Variants in SMC2 observed in about 807,000 individuals in gnomAD.
SMC2 encodes structural maintenance of chromosomes protein 2.
Under a neutral mutation model 142.6 loss-of-function variants are expected in SMC2, and 41 were observed. The ratio of observed to expected loss-of-function variants is 0.29; its 90% CI spans 0.22 to 0.37. SMC2 has a LOEUF of 0.37. Among genes scored for constraint, SMC2 ranks in the 10% least tolerant of loss-of-function variants. The probability of loss-of-function intolerance (pLI) is 1.00; values close to 1 mark genes in which losing one functional copy is unlikely to be tolerated. For missense variants in SMC2, 1,265 were observed against 1,373.7 expected (o/e 0.92, Z 1.25); for synonymous variants, 463 against 457.5 (o/e 1.01, Z -0.15).
rs757478477 is a variant in SMC2 at position 104,095,477 on chromosome 9, T to C, written c.93T>C (p.Thr31=). ...NGFDPLFNAI[T]GLNGSGKSNI... ...TTGACCCCCTCTTCAATGCTATCAC[T>C]GGCTTAAATGGTAGTGGGAAATCCA... The change falls in exon 2 of 25, where the codon ACT becomes ACC. Residue 31 remains threonine, a synonymous_variant. Transcript: ENST00000374793. 1.2e-6 allele frequency: 2 copies of C among 1,613,882 alleles called. No homozygotes were observed. The highest frequency in any genetic ancestry group is 2.7e-5 in the African/African-American group (2 of 74,932).
At position 104,141,199 on chromosome 9, in the gene SMC2, G is replaced by C. The variant is rs1164153836; in HGVS notation, c.*1884G>C. 6.6e-6 allele frequency: 1 copy of C among 152,114 alleles called. No individual in the cohort carries two copies. The highest frequency in any genetic ancestry group is 1.5e-5 in the Non-Finnish European group (1 of 68,022). The allele number at this position is 152,114 out of a possible 1,614,324, so 9.4% of individuals were successfully genotyped here. ...TATGTATTGTCATATTTAATCCTCA[G>C]AGTAACCTAGTGAGGTAAATACTGT... On this transcript the variant is annotated 3_prime_UTR_variant, in exon 25 of 25. Transcript: ENST00000374793.
chr9:104,097,926 A>G (rs548302593), intron 3 of SMC2, among the ~76,000 whole-genome samples: 6 of 148,404 alleles, frequency 4.0e-5, no homozygotes, highest in South Asian at 2.1e-4. Flanking sequence ...TTTAAGTGTG[A>G]TAGTAGAGTA....
At chr9:104,128,466 G>A (rs901511544) in intron 20 of SMC2, among the ~76,000 whole-genome samples, 19 of 152,064 alleles carry the variant, frequency 1.2e-4, no homozygotes, top group African/African-American at 4.6e-4. Flanking sequence ...CTTGCAAGTG[G>A]GTCTGCTAAG....
At chr9:104,093,356 G>T (rs1409680447), upstream of SMC2, among the ~76,000 whole-genome samples, 1 of 152,024 alleles carries the variant, frequency 6.6e-6, no homozygotes, top group African/African-American at 2.4e-5. Flanking sequence ...TTCTATGCAT[G>T]AAGCCTAGTA....
chr9:104,110,042 C>T (rs1832249373), intron 9 of SMC2, among the ~76,000 whole-genome samples: 1 of 152,160 alleles, frequency 6.6e-6, no homozygotes, highest in South Asian at 2.1e-4. Context: ...CTCAGTGTGA[C>T]ATTAATCATT....
rs1209595055 is a variant in SMC2, at chr9:104,113,399, G to A, written c.1338G>A (p.Lys446=). 2 of 1,611,550 alleles carry A rather than the reference G, an allele frequency of 1.2e-6. No individual in the cohort carries two copies. The stretch of plus-strand genomic sequence containing the variant: ...AGAAGATGGATAGTGGCTACAGGAA[G>A]GATCAAGAAGCTCTAGAAGCTGTAA... ...EVKKMDSGYR[K]DQEALEAVKR... The change falls in exon 11 of 25, where the codon AAG becomes AAA. Residue 446 remains lysine (K), a synonymous_variant. Transcript: ENST00000374793.
chr9:104,137,427 T>C (rs962681826), intron 23 of SMC2, among the ~76,000 whole-genome samples: 4 of 152,190 alleles, frequency 2.6e-5, no homozygotes, highest in Non-Finnish European at 5.9e-5. Flanking sequence ...AGATTAGGTG[T>C]AACTATGAAT....
Position 104,134,533 on chromosome 9 carries a change from A to C in SMC2, c.3227A>C (p.Asn1076Thr), listed in dbSNP as rs1407668934. Residue 1076 changes from asparagine (N) to threonine (T), a missense_variant, in exon 23 of 25, where the codon AAT becomes ACT. Asn to Thr is a moderately conservative substitution (Grantham distance 65). Transcript: ENST00000374793. ...DGLEFKVALG[N>T]TWKENLTELS... ...CTGGAGTTCAAGGTTGCCTTGGGAA[A>C]TACCTGGAAAGAAAACCTAACTGAA... 1.2e-6 allele frequency: 2 copies of C among 1,611,084 alleles called. No individual in the cohort carries two copies. The highest frequency in any genetic ancestry group is 3.3e-5 in the Admixed American group (2 of 59,720).
intron 9 of SMC2, 59 bp from the exon 10 acceptor site, chr9:104,111,522 A>T: frequency 2.8e-6 from 3 of 1,079,144 alleles, no homozygotes; most frequent in Non-Finnish European, 4.2e-6. Flanking sequence ...GTATGCGTAT[A>T]AGAAAGTGGG....
intron 9 of SMC2, 108 bp from the exon 10 acceptor site, chr9:104,111,473 T>G: frequency 1.6e-6 from 1 of 632,134 alleles, no homozygotes; most frequent in East Asian, 2.8e-5. Context: ...TATTTTATTA[T>G]GCTCACTCCA....
At chr9:104,132,468 C>A (rs1193326558) in intron 22 of SMC2, among the ~76,000 whole-genome samples, 1 of 152,128 alleles carries the variant, frequency 6.6e-6, no homozygotes, top group Non-Finnish European at 1.5e-5. Context: ...ACTTCCCTGA[C>A]TTCATGTATC....
intron 10 of SMC2, 74 bp from the exon 11 acceptor site, chr9:104,113,242 G>A: frequency 8.7e-7 from 1 of 1,156,032 alleles, no homozygotes; most frequent in Non-Finnish European, 1.2e-6. Flanking sequence ...AAACCAATCT[G>A]AATCTTCGGC....
intron 14 of SMC2, among the ~76,000 whole-genome samples, 196 bp downstream of exon 14, chr9:104,116,515 T>C (rs560556594): frequency 9.3e-4 from 141 of 152,038 alleles, no homozygotes; most frequent in Non-Finnish European, 1.5e-3. Flanking sequence ...GATGCTTCAC[T>C]TTGTGGTATT....
chr9:104,115,238 A>G (rs1182119027), intron 13 of SMC2, among the ~76,000 whole-genome samples: 2 of 149,528 alleles, frequency 1.3e-5, no homozygotes, highest in Non-Finnish European at 3.0e-5. Context: ...TGTCAAATTT[A>G]CTTCCTTGTT....
At chr9:104,106,081 T>G (rs911360586) in intron 9 of SMC2, among the ~76,000 whole-genome samples, 5 of 152,214 alleles carry the variant, frequency 3.3e-5, no homozygotes, top group African/African-American at 1.2e-4. Flanking sequence ...TGGTACCACC[T>G]CACTAATAGG....
upstream of SMC2, chr9:104,092,594 CAA>C (rs1360060417): frequency 6.6e-6 from 1 of 152,142 alleles, no homozygotes; most frequent in Non-Finnish European, 1.5e-5. Context: ...TCAAGGCAGA[CAA>C]AGATATCTGT....
At chr9:104,120,531 A>C (rs1332009121) in intron 16 of SMC2, among the ~76,000 whole-genome samples, 1 of 152,200 alleles carries the variant, frequency 6.6e-6, no homozygotes, top group Non-Finnish European at 1.5e-5. Flanking sequence ...AATATGATAC[A>C]GTATAGCATT....
intron 23 of SMC2, chr9:104,136,106 A>C: frequency 2.0e-5 from 6 of 292,950 alleles, no homozygotes; most frequent in South Asian, 6.5e-5. Flanking sequence ...ATTAATTAAA[A>C]CCTCCTGAAA....
intron 17 of SMC2, 124 bp from the exon 18 acceptor site, chr9:104,124,788 T>C (rs1354681907): frequency 1.7e-5 from 11 of 652,038 alleles, no homozygotes; most frequent in Admixed American, 3.6e-5. Flanking sequence ...TAGAATATCA[T>C]TGGGATAGTT....
Sources: allele counts gnomAD v4.1 joint callset (sites outside exome capture counted in the v4.1 genomes callset), GRCh38; gene constraint gnomAD v4.1.1; transcripts MANE v1.5; gene names NCBI Gene and HGNC (gene_info 2026-07-23, HGNC 2026-07-21).